The following RFT1 variants were observed in gnomAD, a reference collection of about 807,000 sequenced individuals.
RFT1 encodes RFT1 glycolipid translocator homolog.
RFT1 carries 43 observed loss-of-function variants against 62.2 expected under a neutral mutation model. The observed-to-expected ratio is 0.69, with a 90% CI of 0.54 to 0.89. RFT1 has a LOEUF of 0.89. Among genes scored for constraint, RFT1 ranks in the 40% least tolerant of loss-of-function variants. The probability of loss-of-function intolerance (pLI) is 0.00; values close to 1 mark genes in which losing one functional copy is unlikely to be tolerated. For synonymous variants in RFT1, 262 were observed against 264.6 expected, an observed-to-expected ratio of 0.99 and a Z score of 0.10; for missense variants, 605 against 649.9, an observed-to-expected ratio of 0.93 and a Z score of 0.75.
At chr3:53,070,393 G>GGTTTTTTTTTTTTT in the RFT1 span, among the ~76,000 whole-genome samples, 5 of 85,448 alleles carry the variant, frequency 5.9e-5, 2 homozygotes, top group Non-Finnish European at 4.5e-5. Flanking sequence ...CTGTATTATG[G>GGTTTTTTTTTTTTT]TTTTTTTTTT....
downstream of RFT1, among the ~76,000 whole-genome samples, chr3:53,083,562 C>T (rs1329167506): frequency 6.6e-6 from 1 of 151,576 alleles, no homozygotes; most frequent in Non-Finnish European, 1.5e-5. Context: ...AGTGATGGTG[C>T]AGATGGAAGA....
intron 5 of RFT1, among the ~76,000 whole-genome samples, chr3:53,120,782 G>C (rs1038037976): frequency 3.3e-5 from 5 of 152,208 alleles, no homozygotes; most frequent in African/African-American, 1.2e-4. Flanking sequence ...TATCAAGGCT[G>C]CTCCTGTAGT....
chr3:53,084,026 T>C (rs554380465), downstream of RFT1, among the ~76,000 whole-genome samples: 36 of 5,140 alleles, frequency 7.0e-3, no homozygotes, highest in African/African-American at 7.7e-3. Context: ...GTTGGGATTC[T>C]GTGTGGAGAA....
At chr3:53,074,844 G>T in the RFT1 span, among the ~76,000 whole-genome samples, 1 of 152,162 alleles carries the variant, frequency 6.6e-6, no homozygotes, top group African/African-American at 2.4e-5. Flanking sequence ...AGGACTAGGG[G>T]GCAAGAAGAG....
chr3:53,079,292 C>T, the RFT1 span, among the ~76,000 whole-genome samples: 1 of 152,168 alleles, frequency 6.6e-6, no homozygotes, highest in Non-Finnish European at 1.5e-5. Context: ...TCAGATATGA[C>T]CCACACCCCA....
Position 53,111,912 on chromosome 3 carries a change from G to T in RFT1, c.697-4C>A. On this transcript the variant is annotated splice_region_variant and splice_polypyrimidine_tract_variant and intron_variant, in intron 6 of 12. Coordinates refer to ENST00000296292, the MANE Select transcript of RFT1 (RefSeq NM_052859.4). Reference sequence around the variant, plus strand: ...CCTCTTTCCAGTTTATAAACGCCTAGAAGAGAAAACAAAACAAAACAAAAA... The same window carrying T: ...CCTCTTTCCAGTTTATAAACGCCTATAAGAGAAAACAAAACAAAACAAAAA... 2 of 1,611,114 alleles carry T rather than the reference G, an allele frequency of 1.2e-6. No individual in the cohort carries two copies. Among genetic ancestry groups the T allele is most frequent in the South Asian group, 2.2e-5 (2 of 91,044 alleles).
intron 11 of RFT1, 99 bp from the exon 12 acceptor site, chr3:53,092,717 T>G: frequency 7.1e-7 from 1 of 1,399,424 alleles, no homozygotes; most frequent in African/African-American, 1.4e-5. Flanking sequence ...AGAAAGAACC[T>G]GAGCTCCTGG....
downstream of RFT1, among the ~76,000 whole-genome samples, chr3:53,084,636 G>A (rs967477832): frequency 6.6e-6 from 1 of 152,236 alleles, no homozygotes; most frequent in African/African-American, 2.4e-5. Context: ...GGGCACTGCA[G>A]AGCAGATTAA....
At chr3:53,083,635 T>C (rs1700801344), downstream of RFT1, among the ~76,000 whole-genome samples, 1 of 152,248 alleles carries the variant, frequency 6.6e-6, no homozygotes, top group Non-Finnish European at 1.5e-5. Context: ...GGCCCTGTGC[T>C]TGCAGATCTG....
At chr3:53,075,591 G>C in the RFT1 span, among the ~76,000 whole-genome samples, 20 of 152,316 alleles carry the variant, frequency 1.3e-4, no homozygotes, top group Middle Eastern at 3.4e-3. Context: ...GTGGTGTCTG[G>C]GTAAGAGCTC....
chr3:53,122,798 G>A (rs1181318206), intron 3 of RFT1, among the ~76,000 whole-genome samples: 2 of 152,072 alleles, frequency 1.3e-5, no homozygotes, highest in Non-Finnish European at 2.9e-5. Flanking sequence ...ACAGGCACTG[G>A]GCAATTTGGC....
chr3:53,118,156 C>A (rs1701861808), intron 6 of RFT1, among the ~76,000 whole-genome samples: 1 of 152,208 alleles, frequency 6.6e-6, no homozygotes, highest in South Asian at 2.1e-4. Flanking sequence ...TCTTTACCTT[C>A]TCTCTTTGCT....
At chr3:53,079,674 G>A in the RFT1 span, among the ~76,000 whole-genome samples, 2 of 152,082 alleles carry the variant, frequency 1.3e-5, no homozygotes, top group Non-Finnish European at 2.9e-5. Context: ...AGCCTAGATC[G>A]CACTACTGCA....
rs759365609 is a variant in RFT1 at position 53,089,728 on chromosome 3, G to A, written c.*2175C>T. ...AACTCTCCCTAGATACAGGGAAGCA[G>A]GACACCGGAAGAAGCCCTGGGCTGC... On this transcript the variant is annotated 3_prime_UTR_variant, in exon 13 of 13. Transcript: ENST00000296292. The A allele has an allele frequency of 7.2e-5, 11 of 152,378 alleles. No individual in the cohort carries two copies. The highest frequency in any genetic ancestry group is 1.5e-4 in the Non-Finnish European group (10 of 68,156). 9.4% of individuals were successfully genotyped at this position (152,378 alleles called of 1,614,324 possible).
intron 10 of RFT1, among the ~76,000 whole-genome samples, chr3:53,102,676 T>C (rs1026550576): frequency 1.3e-5 from 2 of 152,242 alleles, no homozygotes; most frequent in Non-Finnish European, 2.9e-5. Flanking sequence ...CACAAAAGCC[T>C]GTCCGTGCTG....
chr3:53,110,441 C>G (rs554157400), intron 7 of RFT1, among the ~76,000 whole-genome samples: 72 of 152,342 alleles, frequency 4.7e-4, no homozygotes, highest in African/African-American at 1.7e-3. Flanking sequence ...CTCAGCTCTT[C>G]TGAGGCTTCT....
chr3:53,095,614 G>A (rs1383661183), intron 11 of RFT1, among the ~76,000 whole-genome samples: 4 of 152,116 alleles, frequency 2.6e-5, no homozygotes, highest in Non-Finnish European at 5.9e-5. Flanking sequence ...CTACTCAGGA[G>A]GTTGAGGTGG....
At chr3:53,100,964 A>G (rs1701292737) in intron 10 of RFT1, among the ~76,000 whole-genome samples, 1 of 136,476 alleles carries the variant, frequency 7.3e-6, no homozygotes, top group Admixed American at 7.2e-5. Context: ...GAGAAAAAAA[A>G]CTCCCAAAAA....
At position 53,099,375 on chromosome 3, in the gene RFT1, A is replaced by G. The variant is rs1701244587; in HGVS notation, c.1208+6T>C. On this transcript the variant is annotated splice_donor_region_variant and intron_variant, in intron 11 of 12. Transcript: ENST00000296292. ...TGATTAAAGGTGTACCTGCTAGGTT[A>G]CCCACCTGTCGACCTCCTCTTTGCT... 1 of 1,609,488 alleles carries G rather than the reference A, an allele frequency of 6.2e-7. No homozygotes were observed. Among genetic ancestry groups the G allele is most frequent in the Non-Finnish European group, 8.5e-7 (1 of 1,175,880 alleles).
Sources: allele counts gnomAD v4.1 joint callset (sites outside exome capture counted in the v4.1 genomes callset), GRCh38; gene constraint gnomAD v4.1.1; transcripts MANE v1.5; gene names NCBI Gene and HGNC (gene_info 2026-07-23, HGNC 2026-07-21).